C11orf65: variants seen among roughly 807,000 people sequenced by gnomAD.
C11orf65 encodes the protein chromosome 11 open reading frame 65, also known as protein MFI.
Under a neutral mutation model 35.3 loss-of-function variants are expected in C11orf65, and 38 were observed. The ratio of observed to expected loss-of-function variants is 1.08; its 90% CI spans 0.83 to 1.41. The LOEUF (loss-of-function observed/expected upper bound fraction) is 1.41. Ranked by LOEUF, C11orf65 falls within the 40% of genes most tolerant of loss-of-function variation. C11orf65 has a pLI of 0.00. For missense variants in C11orf65, 370 were observed against 367.1 expected (o/e 1.01, Z -0.06); for synonymous variants, 105 against 114.4 (o/e 0.92, Z 0.53).
intron 2 of C11orf65, among the ~76,000 whole-genome samples, chr11:108,337,080 G>A (rs147490768): frequency 1.5e-3 from 235 of 152,098 alleles, no homozygotes; most frequent in African/African-American, 5.3e-3. Flanking sequence ...GCCCTAAATA[G>A]GGGAGTGAAG....
At chr11:108,356,720 C>T (rs183203449) in intron 2 of C11orf65, among the ~76,000 whole-genome samples, 40 of 152,228 alleles carry the variant, frequency 2.6e-4, no homozygotes, top group Non-Finnish European at 5.4e-4. Context: ...GAAGGTAGTT[C>T]TTTTAGGGCC....
At chr11:108,338,731 A>T (rs1423928703) in intron 2 of C11orf65, among the ~76,000 whole-genome samples, 2 of 152,208 alleles carry the variant, frequency 1.3e-5, no homozygotes, top group Admixed American at 1.3e-4. Context: ...TATTAAAGTA[A>T]AACCTGTAAA....
chr11:108,359,039 T>C (rs1282609731), intron 2 of C11orf65, among the ~76,000 whole-genome samples: 2 of 149,808 alleles, frequency 1.3e-5, no homozygotes, highest in Non-Finnish European at 3.0e-5. Flanking sequence ...GTGTGCTGTA[T>C]TCAGGAAACC....
At position 108,385,977 on chromosome 11, in the gene C11orf65, T is replaced by C. The variant is rs897655055; in HGVS notation, c.732-2A>G. 3.7e-6 allele frequency: 6 copies of C among 1,612,404 alleles called. No homozygotes were observed. The highest frequency in any genetic ancestry group is 5.1e-6 in the Non-Finnish European group (6 of 1,178,636). ...ATTTCCTTCCAGCTGGCAATGTACC[T>C]AAGCACATTATATGAGGATTCATTA... On this transcript the variant is annotated splice_acceptor_variant, in intron 7 of 8. Coordinates refer to ENST00000393084, the MANE Select transcript of C11orf65 (RefSeq NM_152587.5). LOFTEE classifies it high-confidence loss of function.
At chr11:108,327,822 A>C, downstream of C11orf65, 1 of 1,201,012 alleles carries the variant, frequency 8.3e-7, no homozygotes, top group Non-Finnish European at 1.2e-6. Context: ...TCTTTTCATC[A>C]AGATCAATAT....
intron 3 of C11orf65, among the ~76,000 whole-genome samples, chr11:108,409,374 A>G (rs2092614996): frequency 6.6e-6 from 1 of 152,196 alleles, no homozygotes; most frequent in Non-Finnish European, 1.5e-5. Flanking sequence ...GGAATGAAAT[A>G]TGAGAGGTCA....
intron 1 of C11orf65, among the ~76,000 whole-genome samples, chr11:108,464,891 C>G (rs188420674): frequency 6.6e-6 from 1 of 151,780 alleles, no homozygotes; most frequent in East Asian, 1.9e-4. Flanking sequence ...TGAAACCTAA[C>G]ACTGCCAAAC....
chr11:108,320,959 G>T (rs2085160458), intron 6 of C11orf65, among the ~76,000 whole-genome samples: 1 of 152,184 alleles, frequency 6.6e-6, no homozygotes, highest in Non-Finnish European at 1.5e-5. Context: ...ATAAGGAAGA[G>T]AACATATATT....
Position 108,343,221 on chromosome 11 carries a change from G to C in C11orf65, c.227-7929C>G, listed in dbSNP as rs1565557607. The C allele has an allele frequency of 6.2e-7, 1 of 1,613,888 alleles. No individual in the cohort carries two copies. Among genetic ancestry groups the C allele is most frequent in the African/African-American group, 1.3e-5 (1 of 74,998 alleles). On this transcript the variant is annotated intron_variant, in intron 2 of 3. Coordinates refer to the C11orf65 transcript ENST00000524755. ...AAAAGGTATTTAATCTGTAACTCCA[G>C]GTGGTTCCCCTCTCTCAGCGAAGTG... is the stretch of plus-strand genomic sequence containing the variant.
intron 2 of C11orf65, among the ~76,000 whole-genome samples, chr11:108,364,909 G>A (rs1019027303): frequency 3.3e-5 from 5 of 152,186 alleles, no homozygotes; most frequent in Non-Finnish European, 7.4e-5. Flanking sequence ...GAAGCTTGGA[G>A]CATTATGCTA....
At chr11:108,374,281 G>T (rs1205618094) in intron 2 of C11orf65, among the ~76,000 whole-genome samples, 2 of 152,192 alleles carry the variant, frequency 1.3e-5, no homozygotes, top group Admixed American at 6.5e-5. Context: ...GTACTCCTCT[G>T]AGACAAAACT....
chr11:108,414,046 C>A (rs555707992), intron 3 of C11orf65, among the ~76,000 whole-genome samples: 1 of 150,898 alleles, frequency 6.6e-6, no homozygotes, highest in Non-Finnish European at 1.5e-5. Context: ...AGCAAGCAGA[C>A]GAAAATAAAT....
chr11:108,399,127 G>A (rs1450707471), intron 6 of C11orf65, among the ~76,000 whole-genome samples: 1 of 152,120 alleles, frequency 6.6e-6, no homozygotes, highest in Non-Finnish European at 1.5e-5. Flanking sequence ...AAGACTCCAC[G>A]GTGCAACCAC....
In C11orf65 at chr11:108,411,890, G is replaced by T. The variant is rs565838508; in HGVS notation, c.175-4741C>A. Among the ~76,000 whole-genome samples the T allele has an allele frequency of 2.6e-5, 4 of 151,520 alleles. No homozygotes were observed. The South Asian group carries it at 8.3e-4, about 32-fold the overall frequency. On this transcript the variant is annotated intron_variant, in intron 3 of 8. Coordinates refer to ENST00000393084, the MANE Select transcript of C11orf65 (RefSeq NM_152587.5). ...CAACCTCCACCTTCCAGGTTCAAGTGGTTCTCCTGCCTCAGCTTCCCAAGT... is the reference window on the plus strand; with the variant it reads ...CAACCTCCACCTTCCAGGTTCAAGTTGTTCTCCTGCCTCAGCTTCCCAAGT...
intron 3 of C11orf65, among the ~76,000 whole-genome samples, chr11:108,430,130 T>TC (rs2092964505): frequency 6.9e-6 from 1 of 144,250 alleles, no homozygotes; most frequent in African/African-American, 2.6e-5. Flanking sequence ...CTGTATTCTT[T>TC]TTTTTTTTTT....
At chr11:108,341,058 T>TA (rs1275657276) in intron 2 of C11orf65, among the ~76,000 whole-genome samples, 1 of 152,076 alleles carries the variant, frequency 6.6e-6, no homozygotes, top group East Asian at 1.9e-4. Flanking sequence ...GAATGACAAT[T>TA]CTCTAAGTTA....
At chr11:108,397,427 T>C (rs1197467023) in intron 6 of C11orf65, among the ~76,000 whole-genome samples, 1 of 151,994 alleles carries the variant, frequency 6.6e-6, no homozygotes, top group East Asian at 1.9e-4. Flanking sequence ...AACTAGGAAA[T>C]TTAGAGGGAA....
rs1591192583 is a variant in C11orf65 at position 108,335,110 on chromosome 11, G to A, written c.299+110C>T. 1 of 1,614,010 alleles carries A rather than the reference G, an allele frequency of 6.2e-7. No homozygotes were observed. On this transcript the variant is annotated intron_variant, in intron 3 of 3. Coordinates refer to the C11orf65 transcript ENST00000524755. ...CAAGGAGAGGAGACAGCTTGTTAAG[G>A]TGAGCCTTCCCTTCTCTGGCTTAGC...
intron 3 of C11orf65, among the ~76,000 whole-genome samples, chr11:108,408,641 A>G (rs1370448376): frequency 1.3e-5 from 2 of 149,552 alleles, no homozygotes; most frequent in African/African-American, 2.5e-5. Context: ...GCACCACTGC[A>G]CTCCAGCCTG....
Sources: allele counts gnomAD v4.1 joint callset (sites outside exome capture counted in the v4.1 genomes callset), GRCh38; gene constraint gnomAD v4.1.1; transcripts MANE v1.5; gene names NCBI Gene and HGNC (gene_info 2026-07-23, HGNC 2026-07-21).